The following PUM1 variants were observed in gnomAD, a reference collection of about 807,000 sequenced individuals.
The protein encoded by PUM1 is pumilio homolog 1.
PUM1 carries 13 observed loss-of-function variants against 131.8 expected under a neutral mutation model. The observed-to-expected ratio is 0.10, with a 90% CI of 0.06 to 0.16. The LOEUF is 0.16. PUM1 is among the 10% of genes least tolerant of loss of function. The pLI is 1.00. For synonymous variants in PUM1, 509 were observed against 556.5 expected (o/e 0.91, Z 1.20); for missense variants, 961 against 1,512.4 (o/e 0.64, Z 6.05).
intron 18 of PUM1, among the ~76,000 whole-genome samples, 176 bp downstream of exon 18, chr1:30,945,170 G>A (rs1639620959): frequency 6.6e-6 from 1 of 152,096 alleles, no homozygotes; most frequent in South Asian, 2.1e-4. Flanking sequence ...GCAGTTCAAG[G>A]CTGTAGTGAG....
intron 7 of PUM1, among the ~76,000 whole-genome samples, chr1:30,983,620 A>T (rs190541760): frequency 1.3e-3 from 203 of 152,260 alleles, no homozygotes; most frequent in Non-Finnish European, 2.3e-3. Flanking sequence ...TTGTTTGAAG[A>T]GTCGGAGTCT....
chr1:30,947,823 G>C (rs1238023429), intron 17 of PUM1, among the ~76,000 whole-genome samples: 1 of 151,274 alleles, frequency 6.6e-6, no homozygotes, highest in African/African-American at 2.4e-5. Context: ...GGCTAAAGAA[G>C]CAAAAGGCAA....
At chr1:30,992,103 T>C (rs936190465) in intron 7 of PUM1, among the ~76,000 whole-genome samples, 1 of 152,142 alleles carries the variant, frequency 6.6e-6, no homozygotes, top group African/African-American at 2.4e-5. Context: ...CCGAGAGGGT[T>C]GTGTTACAAG....
In PUM1 at chr1:30,992,450, C is replaced by T. The variant is rs1270154595; in HGVS notation, c.1098G>A (p.Gln366=). ...EPLQFDYSGT[Q]VPVDSAAATV... ...TTGCTGCTGCTGAGTCCACAGGTAC[C>T]TGCGTGCCTGAATAATCAAACTGAA... is the stretch of plus-strand genomic sequence containing the variant. The change falls in exon 7 of 22, where the codon CAG becomes CAA. Residue 366 remains glutamine (Q), a synonymous_variant. Transcript: ENST00000426105. The T allele has an allele frequency of 6.2e-7, 1 of 1,614,088 alleles. No homozygotes were observed. Among genetic ancestry groups the T allele is most frequent in the Non-Finnish European group, 8.5e-7 (1 of 1,180,046 alleles).
At chr1:30,952,765 T>A (rs1640001414) in intron 15 of PUM1, among the ~76,000 whole-genome samples, 1 of 151,494 alleles carries the variant, frequency 6.6e-6, no homozygotes, top group South Asian at 2.1e-4. Flanking sequence ...CCTACTTGAC[T>A]TTTTTCCTTT....
At chr1:30,933,584 G>A (rs1444848591) in intron 21 of PUM1, among the ~76,000 whole-genome samples, 2 of 152,134 alleles carry the variant, frequency 1.3e-5, no homozygotes, top group Non-Finnish European at 2.9e-5. Flanking sequence ...CCTGAGTGGT[G>A]CCACAGGGCC....
chr1:30,947,576 A>G (rs1032704243), intron 17 of PUM1, among the ~76,000 whole-genome samples: 1 of 152,166 alleles, frequency 6.6e-6, no homozygotes. Flanking sequence ...GGTCTTAGGT[A>G]TCTTGAAATT....
chr1:31,062,619 C>CAA (rs9331237), intron 1 of PUM1, among the ~76,000 whole-genome samples: 15 of 117,208 alleles, frequency 1.3e-4, no homozygotes, highest in African/African-American at 2.8e-4. Flanking sequence ...GACTCCATCT[C>CAA]AAAAAAAAAA....
At chr1:30,959,815 G>A (rs897981471) in intron 14 of PUM1, among the ~76,000 whole-genome samples, 1 of 151,648 alleles carries the variant, frequency 6.6e-6, no homozygotes, top group Non-Finnish European at 1.5e-5. Context: ...GCTGAGGCAG[G>A]AGAATGGTGT....
chr1:30,977,699 T>C (rs1456773918), intron 9 of PUM1, among the ~76,000 whole-genome samples: 1 of 152,170 alleles, frequency 6.6e-6, no homozygotes, highest in Non-Finnish European at 1.5e-5. Flanking sequence ...TCAACTGACA[T>C]ATACAAAAAA....
At chr1:31,033,434 G>A (rs1222592069) in intron 2 of PUM1, among the ~76,000 whole-genome samples, 1 of 142,790 alleles carries the variant, frequency 7.0e-6, no homozygotes, top group Non-Finnish European at 1.5e-5. Flanking sequence ...CGCCCAGGCC[G>A]GACTGCGGAC....
intron 7 of PUM1, among the ~76,000 whole-genome samples, chr1:30,985,182 T>G (rs1203729909): frequency 1.3e-5 from 2 of 152,170 alleles, no homozygotes; most frequent in Non-Finnish European, 2.9e-5. Context: ...GGGATTAAAA[T>G]TAACACATGT....
chr1:31,015,282 C>T (rs965454094), intron 3 of PUM1, among the ~76,000 whole-genome samples: 6 of 152,058 alleles, frequency 3.9e-5, no homozygotes, highest in African/African-American at 1.4e-4. Context: ...AAATTCACTG[C>T]AAATAAATAA....
Position 30,967,297 on chromosome 1 carries a change from C to T in PUM1, c.1659G>A (p.Leu553=). Residue 553 remains leucine (L), a synonymous_variant, in exon 12 of 22, where the codon TTG becomes TTA. Coordinates refer to ENST00000426105, the MANE Select transcript of PUM1 (RefSeq NM_001020658.2). The part of the protein sequence containing the change: ...LAAGMPGYPV[L]APAAYYDQTG... Reference sequence around the variant, plus strand: ...TTTGGTCATAGTAAGCAGCAGGAGCCAACACCGGATAACCTAGGAATATCA... The same window carrying T: ...TTTGGTCATAGTAAGCAGCAGGAGCTAACACCGGATAACCTAGGAATATCA... 6.2e-7 allele frequency: 1 copy of T among 1,613,500 alleles called. No individual in the cohort carries two copies. The highest frequency in any genetic ancestry group is 8.5e-7 in the Non-Finnish European group (1 of 1,179,550).
intron 1 of PUM1, among the ~76,000 whole-genome samples, chr1:31,063,236 C>A (rs544609837): frequency 1.3e-5 from 2 of 152,290 alleles, no homozygotes; most frequent in Admixed American, 6.5e-5. Context: ...ACAAAACTAC[C>A]TGTTTCCTCA....
At chr1:30,959,026 T>C (rs572167400) in intron 14 of PUM1, among the ~76,000 whole-genome samples, 2 of 152,288 alleles carry the variant, frequency 1.3e-5, no homozygotes, top group East Asian at 1.9e-4. Flanking sequence ...GCATTTTAGA[T>C]GAAATGGACA....
chr1:30,966,907 A>G (rs1640645189), intron 12 of PUM1, among the ~76,000 whole-genome samples: 1 of 151,788 alleles, frequency 6.6e-6, no homozygotes, highest in African/African-American at 2.4e-5. Flanking sequence ...TGCAACTTCT[A>G]TGTTCTCAGT....
intron 7 of PUM1, among the ~76,000 whole-genome samples, chr1:30,982,542 G>A (rs376271764): frequency 1.3e-5 from 2 of 152,188 alleles, no homozygotes; most frequent in East Asian, 1.9e-4. Flanking sequence ...CAACCTACCT[G>A]CTCTTCCTAC....
intron 3 of PUM1, among the ~76,000 whole-genome samples, chr1:31,010,703 AACAGACCTTTCTCCAAGCAAGTTTGAG>A (rs760654304): frequency 3.3e-5 from 5 of 152,338 alleles, no homozygotes; most frequent in Non-Finnish European, 5.9e-5. Context: ...TGAGTTTGGA[AACAGACCTTTCTCCAAGCAAGTTTGAG>A]ACAGACCTTT....
Sources: allele counts gnomAD v4.1 joint callset (sites outside exome capture counted in the v4.1 genomes callset), GRCh38; gene constraint gnomAD v4.1.1; transcripts MANE v1.5; gene names NCBI Gene and HGNC (gene_info 2026-07-23, HGNC 2026-07-21).